VIPAS39: variants seen among roughly 807,000 people sequenced by gnomAD.
The protein encoded by VIPAS39 is VPS33B interacting protein, apical-basolateral polarity regulator, spe-39 homolog.
Under a neutral mutation model 84.7 loss-of-function variants are expected in VIPAS39, and 63 were observed. The ratio of observed to expected loss-of-function variants is 0.74; its 90% CI spans 0.61 to 0.92. The LOEUF is 0.92. Ranked by LOEUF, VIPAS39 falls within the 40% of genes least tolerant of loss-of-function variation. VIPAS39 has a pLI of 0.00. For missense variants in VIPAS39, 499 were observed against 604.5 expected, an observed-to-expected ratio of 0.83 and a Z score of 1.83; for synonymous variants, 192 against 216.5, an observed-to-expected ratio of 0.89 and a Z score of 0.99.
At chr14:77,445,911 G>A (rs184316258) in intron 7 of VIPAS39, among the ~76,000 whole-genome samples, 1,860 of 148,322 alleles carry the variant, frequency 0.013, 11 homozygotes, top group Non-Finnish European at 0.018. Flanking sequence ...CTGCACTCCA[G>A]CCCGGGCGAC....
At chr14:77,430,085 A>G (rs138067944) in intron 16 of VIPAS39, among the ~76,000 whole-genome samples, 1 of 152,338 alleles carries the variant, frequency 6.6e-6, no homozygotes, top group East Asian at 1.9e-4. Context: ...TCCATCTTCC[A>G]TATCTTTGTA....
chr14:77,434,159 C>A, intron 15 of VIPAS39, 103 bp downstream of exon 15: 2 of 1,317,302 alleles, frequency 1.5e-6, no homozygotes, highest in Non-Finnish European at 2.2e-6. Context: ...CCACCTTTAA[C>A]CTTGAATATC....
At chr14:77,447,460 G>T (rs1203500169) in intron 7 of VIPAS39, among the ~76,000 whole-genome samples, 1 of 151,962 alleles carries the variant, frequency 6.6e-6, no homozygotes, top group Non-Finnish European at 1.5e-5. Context: ...TTACAGGCAT[G>T]AGCCACTGTG....
chr14:77,437,391 T>C (rs1292547930), intron 12 of VIPAS39, among the ~76,000 whole-genome samples: 3 of 152,184 alleles, frequency 2.0e-5, no homozygotes, highest in Non-Finnish European at 4.4e-5. Context: ...TCTTGGACTT[T>C]GGGGTTTCAA....
At chr14:77,437,931 G>A in intron 11 of VIPAS39, 50 bp from the exon 12 acceptor site, 1 of 1,568,566 alleles carries the variant, frequency 6.4e-7, no homozygotes, top group Non-Finnish European at 8.8e-7. Context: ...CTTAGATGAG[G>A]GAGATAGCTG....
chr14:77,443,566 T>G (rs975515509), intron 8 of VIPAS39, among the ~76,000 whole-genome samples: 1 of 151,980 alleles, frequency 6.6e-6, no homozygotes, highest in African/African-American at 2.4e-5. Context: ...TTGGGCAACA[T>G]AGCAAGACCC....
chr14:77,427,588 A>C lies in VIPAS39; in HGVS notation c.*28T>G. 6.2e-7 allele frequency: 1 copy of C among 1,614,094 alleles called. No homozygotes were observed. Among genetic ancestry groups the C allele is most frequent in the Non-Finnish European group, 8.5e-7 (1 of 1,179,942 alleles). ...TTCACAGGCAGGAGAGGAGGAAATG[A>C]GGCAGGCTTCAAGGTAGTCAATGCC... On this transcript the variant is annotated 3_prime_UTR_variant, in exon 20 of 20. Coordinates refer to ENST00000557658, the MANE Select transcript of VIPAS39 (RefSeq NM_001193315.2).
intron 12 of VIPAS39, among the ~76,000 whole-genome samples, chr14:77,437,002 C>A (rs1464893933): frequency 2.0e-5 from 3 of 152,202 alleles, no homozygotes; most frequent in Non-Finnish European, 4.4e-5. Flanking sequence ...CTAGTTACTT[C>A]ACTATTTTAA....
intron 7 of VIPAS39, 43 bp downstream of exon 7, chr14:77,448,451 G>C: frequency 6.3e-7 from 1 of 1,592,234 alleles, no homozygotes; most frequent in Non-Finnish European, 8.6e-7. Context: ...TGAACAAGCT[G>C]CCCAGCTTCC....
chr14:77,454,981 G>A (rs918766924), intron 1 of VIPAS39, among the ~76,000 whole-genome samples: 4 of 152,004 alleles, frequency 2.6e-5, no homozygotes, highest in East Asian at 1.9e-4. Flanking sequence ...CTGAAAGAAC[G>A]GAAAGCAAAG....
At chr14:77,428,057 TA>T (rs1413766128) in intron 19 of VIPAS39, among the ~76,000 whole-genome samples, 1 of 152,214 alleles carries the variant, frequency 6.6e-6, no homozygotes, top group Non-Finnish European at 1.5e-5. Flanking sequence ...ACAGTTTGGA[TA>T]TTCTGAATCT....
At chr14:77,439,573 G>A (rs139725781) in intron 11 of VIPAS39, among the ~76,000 whole-genome samples, 8 of 152,254 alleles carry the variant, frequency 5.3e-5, no homozygotes, top group African/African-American at 1.7e-4. Context: ...GATAGCTTGA[G>A]GCTAGGAGTT....
chr14:77,449,507 G>A, intron 5 of VIPAS39, 150 bp from the exon 6 acceptor site: 6 of 1,271,070 alleles, frequency 4.7e-6, no homozygotes, highest in Non-Finnish European at 6.8e-6. Flanking sequence ...CTTCCCCAAA[G>A]ACAGCATCCC....
At chr14:77,449,804 A>G (rs779878494) in intron 4 of VIPAS39, 52 bp from the exon 5 acceptor site, 11 of 1,608,218 alleles carry the variant, frequency 6.8e-6, no homozygotes, top group Non-Finnish European at 9.4e-6. Flanking sequence ...AATCAGAGCC[A>G]TCCAGGCTTG....
rs2078904821 is a variant in VIPAS39 at position 77,452,891 on chromosome 14, T to C, written c.196+408A>G. 2.0e-5 allele frequency among the ~76,000 whole-genome samples: 3 copies of C among 152,118 alleles called. No individual in the cohort carries two copies. In the South Asian group the frequency reaches 6.2e-4, roughly 31 times the overall value. ...AAGGAAGTCCGTTCTGTCAATCAGT[T>C]ATTAGTATACTGAGTCAAGTCAGTA... On this transcript the variant is annotated intron_variant, in intron 3 of 19. Coordinates refer to ENST00000557658, the MANE Select transcript of VIPAS39 (RefSeq NM_001193315.2).
intron 14 of VIPAS39, 72 bp from the exon 15 acceptor site, chr14:77,434,375 T>C (rs2078572015): frequency 7.1e-7 from 1 of 1,406,304 alleles, no homozygotes; most frequent in African/African-American, 1.4e-5. Flanking sequence ...CTCATTTTCT[T>C]TCCCACTACA....
At chr14:77,448,327 G>A (rs1191819419) in intron 7 of VIPAS39, among the ~76,000 whole-genome samples, 167 bp downstream of exon 7, 1 of 152,166 alleles carries the variant, frequency 6.6e-6, no homozygotes, top group Non-Finnish European at 1.5e-5. Context: ...CAAAGCAACA[G>A]TAATGGAGAA....
chr14:77,427,695 G>C, intron 19 of VIPAS39, 59 bp from the exon 20 acceptor site: 1 of 1,608,680 alleles, frequency 6.2e-7, no homozygotes, highest in Non-Finnish European at 8.5e-7. Flanking sequence ...CCTACAGCAA[G>C]GCAGAGAAAA....
chr14:77,437,120 T>C (rs933767326), intron 12 of VIPAS39, among the ~76,000 whole-genome samples: 1 of 152,206 alleles, frequency 6.6e-6, no homozygotes, highest in Non-Finnish European at 1.5e-5. Flanking sequence ...CGGGAAATCA[T>C]GTCACATGAG....
Sources: gnomAD v4.1 joint callset for allele counts (sites outside exome capture counted in the v4.1 genomes callset) on GRCh38, gnomAD v4.1.1 for gene constraint, MANE v1.5 for transcripts, NCBI Gene and HGNC (gene_info 2026-07-23, HGNC 2026-07-21) for gene names.